Variants in SLC22A24 observed in about 807,000 individuals in gnomAD.
SLC22A24 encodes steroid transmembrane transporter SLC22A24.
In SLC22A24, 53 loss-of-function variants were observed where a neutral mutation model predicts 49.8. The ratio of observed to expected loss-of-function variants is 1.06; its 90% CI spans 0.85 to 1.34. The LOEUF (loss-of-function observed/expected upper bound fraction) is 1.34. Ranked by LOEUF, SLC22A24 falls within the 40% of genes most tolerant of loss-of-function variation. SLC22A24 has a pLI of 0.00. For missense variants in SLC22A24, 786 were observed against 675.9 expected, an observed-to-expected ratio of 1.16 and a Z score of -1.81; for synonymous variants, 302 against 256.4, an observed-to-expected ratio of 1.18 and a Z score of -1.70.
At position 63,143,738 on chromosome 11, in the gene SLC22A24, C is replaced by A; in HGVS notation, c.42G>T (p.Gly14=). 1.3e-6 allele frequency: 2 copies of A among 1,482,068 alleles called. No individual in the cohort carries two copies. The highest frequency in any genetic ancestry group is 1.4e-5 in the South Asian group (1 of 69,310). The allele number at this position is 1,482,068 out of a possible 1,614,324, so 91.8% of individuals were successfully genotyped here. A position where few individuals can be genotyped will look rare whatever the true frequency, so the allele number is the denominator to read the frequency against. The change falls in exon 1 of 10, where the codon GGG becomes GGT. Residue 14 remains glycine (G), a synonymous_variant. Transcript: ENST00000612278. ...AAGCTATCAGACAAATCTGGAATCT[C>A]CCCATGCCACCCACTTGATCCAGGA... ...DVLLDQVGGM[G]RFQICLIAFF...
intron 7 of SLC22A24, 129 bp from the exon 8 acceptor site, chr11:63,081,795 A>G: frequency 4.5e-6 from 3 of 670,282 alleles, no homozygotes; most frequent in South Asian, 3.4e-5. Context: ...GCAACATGCC[A>G]GAGATTGGGG....
Position 63,104,206 on chromosome 11 carries a change from T to C in SLC22A24, c.923A>G (p.Lys308Arg). The C allele has an allele frequency of 6.4e-7, 1 of 1,550,676 alleles. No homozygotes were observed. Among genetic ancestry groups the C allele is most frequent in the Non-Finnish European group, 8.7e-7 (1 of 1,146,896 alleles). Residue 308 changes from lysine (K) to arginine (R), a missense_variant, in exon 5 of 10, where the codon AAA becomes AGA. Transcript: ENST00000612278. ...GGTCAGTGTCTCTTCAGTATTCTTT[T>C]TTCCATTTATGTGTGCAACTCTTCT... is the stretch of plus-strand genomic sequence containing the variant. ...ELRRVAHING[K>R]KNTEETLTTE...
intron 6 of SLC22A24, among the ~76,000 whole-genome samples, chr11:63,092,482 G>T (rs1253394939): frequency 9.1e-6 from 1 of 110,300 alleles, no homozygotes; most frequent in Admixed American, 9.9e-5. Flanking sequence ...GAGGCATCAT[G>T]CTACCTGACT....
intron 6 of SLC22A24, among the ~76,000 whole-genome samples, chr11:63,093,391 AC>A (rs1378105107): frequency 6.6e-6 from 1 of 152,164 alleles, no homozygotes; most frequent in African/African-American, 2.4e-5. Context: ...ACACATGCAC[AC>A]GTATGTTTAT....
At chr11:63,142,454 T>C (rs955002673) in intron 1 of SLC22A24, among the ~76,000 whole-genome samples, 1 of 152,254 alleles carries the variant, frequency 6.6e-6, no homozygotes, top group African/African-American at 2.4e-5. Context: ...TTCCTGGGCA[T>C]AGGCTGAACT....
At chr11:63,110,167 G>A (rs1164294972) in intron 4 of SLC22A24, among the ~76,000 whole-genome samples, 1 of 150,862 alleles carries the variant, frequency 6.6e-6, no homozygotes, top group Admixed American at 6.6e-5. Flanking sequence ...TAGATATGCG[G>A]CGTTATTTCT....
intron 2 of SLC22A24, among the ~76,000 whole-genome samples, chr11:63,127,840 A>T (rs762865134): frequency 6.6e-5 from 10 of 151,858 alleles, no homozygotes; most frequent in Non-Finnish European, 1.5e-4. Flanking sequence ...AATTTGTTTA[A>T]GTTCTTTTTA....
chr11:63,143,449 G>C lies in SLC22A24; in HGVS notation c.331C>G (p.Pro111Ala), dbSNP rs753631048. 1.9e-6 allele frequency: 3 copies of C among 1,579,560 alleles called. No homozygotes were observed. The highest frequency in any genetic ancestry group is 1.8e-5 in the Admixed American group (1 of 55,558). The change falls in exon 1 of 10, where the codon CCA becomes GCA. Residue 111 changes from proline (P) to alanine (A), a missense_variant. By Grantham distance (27) the Pro-to-Ala change is conservative. Transcript: ENST00000612278. The part of the protein sequence containing the change: ...LNGTFPNTNE[P>A]DTEPCVDGWV... ...CCATCCACACAGGGCTCCGTGTCTG[G>C]CTCATTTGTGTTGGGGAAGGTCCCG... is the stretch of plus-strand genomic sequence containing the variant.
intron 4 of SLC22A24, among the ~76,000 whole-genome samples, chr11:63,114,902 G>A (rs2087200744): frequency 6.6e-6 from 1 of 152,216 alleles, no homozygotes; most frequent in Non-Finnish European, 1.5e-5. Flanking sequence ...TTGCAGAACA[G>A]CAAATATTGC....
intron 2 of SLC22A24, among the ~76,000 whole-genome samples, chr11:63,130,595 G>C (rs556461379): frequency 2.6e-5 from 4 of 152,270 alleles, no homozygotes; most frequent in East Asian, 1.9e-4. Flanking sequence ...CTGTGAATCT[G>C]TCTGGTCCTG....
intron 5 of SLC22A24, among the ~76,000 whole-genome samples, chr11:63,103,441 T>C (rs930476473): frequency 6.6e-5 from 10 of 152,270 alleles, no homozygotes; most frequent in African/African-American, 2.4e-4. Context: ...TAGTAAAATT[T>C]AAGTTCTTTG....
chr11:63,087,900 C>T (rs1416157939), intron 6 of SLC22A24, among the ~76,000 whole-genome samples: 1 of 152,206 alleles, frequency 6.6e-6, no homozygotes, highest in Non-Finnish European at 1.5e-5. Context: ...GGAAAGGCAA[C>T]AGCCCCAGTA....
intron 1 of SLC22A24, among the ~76,000 whole-genome samples, chr11:63,139,539 G>A (rs1446029587): frequency 6.6e-6 from 1 of 152,128 alleles, no homozygotes; most frequent in Non-Finnish European, 1.5e-5. Context: ...GCATGCTCTT[G>A]GCTACCTGGA....
In SLC22A24 at chr11:63,106,358, G is replaced by C. The variant is rs183913997; in HGVS notation, c.831-2060C>G. Among the ~76,000 whole-genome samples the C allele has an allele frequency of 2.1e-3, 315 of 152,200 alleles. 5 individuals are homozygous for C. The highest frequency in any genetic ancestry group is 6.6e-4 in the Non-Finnish European group (45 of 68,016). On this transcript the variant is annotated intron_variant, in intron 4 of 9. Transcript: ENST00000612278. ...TGTTGGACATTTAGGTTGGCTCCAA[G>C]TCTTTGCTATTGTGGAGAGTGCTGC...
chr11:63,087,433 G>A (rs1219402627), intron 6 of SLC22A24, among the ~76,000 whole-genome samples: 1 of 152,228 alleles, frequency 6.6e-6, no homozygotes, highest in African/African-American at 2.4e-5. Context: ...CTGCAGATCA[G>A]GAGATTCCCT....
chr11:63,136,140 T>C (rs1939758), intron 1 of SLC22A24, among the ~76,000 whole-genome samples: 117,289 of 152,094 alleles, frequency 0.77, 46,998 homozygotes, highest in East Asian at 0.9. Context: ...TCAATCAGAT[T>C]GTAATGTGTG....
intron 1 of SLC22A24, among the ~76,000 whole-genome samples, chr11:63,138,152 A>G (rs889641248): frequency 2.6e-5 from 4 of 152,156 alleles, no homozygotes; most frequent in African/African-American, 9.7e-5. Flanking sequence ...GGTCAGTTAC[A>G]AACTTTGCTA....
intron 9 of SLC22A24, 62 bp from the exon 10 acceptor site, chr11:63,080,062 T>C (rs1175023131): frequency 1.8e-6 from 2 of 1,121,818 alleles, no homozygotes; most frequent in Non-Finnish European, 2.6e-6. Context: ...AAGATATAGA[T>C]TAAGCATATA....
chr11:63,096,020 T>C lies in SLC22A24; in HGVS notation c.1041A>G (p.Arg347=), dbSNP rs147369451. The change falls in exon 6 of 10, where the codon CGA becomes CGG. Residue 347 remains arginine, a synonymous_variant. Transcript: ENST00000612278. ...CAAAGCACAGGCCGAAGACTCTCAT[T>C]CGCAATTTGGGTGCACGGAACAGGG... ...IFSLFRAPKL[R]MRVFGLCFVR... 1.3e-6 allele frequency: 2 copies of C among 1,550,804 alleles called. No homozygotes were observed. Among genetic ancestry groups the C allele is most frequent in the Non-Finnish European group, 1.7e-6 (2 of 1,146,314 alleles).
Sources: gnomAD v4.1 joint callset for allele counts (sites outside exome capture counted in the v4.1 genomes callset) on GRCh38, gnomAD v4.1.1 for gene constraint, MANE v1.5 for transcripts, NCBI Gene and HGNC (gene_info 2026-07-23, HGNC 2026-07-21) for gene names.